XYLT1: variants seen among roughly 807,000 people sequenced by gnomAD.
The protein encoded by XYLT1 is beta-D-xylosyltransferase 1.
In XYLT1, 36 loss-of-function variants were observed where a neutral mutation model predicts 91.3. The observed-to-expected ratio is 0.39, with a 90% CI of 0.30 to 0.52. XYLT1 has a LOEUF of 0.52. XYLT1 is among the 20% of genes least tolerant of loss of function. The pLI, the probability that XYLT1 is intolerant of heterozygous loss-of-function variation, is 0.68. For synonymous variants in XYLT1, 588 were observed against 532.0 expected (o/e 1.11, Z -1.45); for missense variants, 1,242 against 1,284.5 (o/e 0.97, Z 0.51).
At chr16:17,469,706 G>T (rs546714522) in intron 1 of XYLT1, among the ~76,000 whole-genome samples, 23 of 152,280 alleles carry the variant, frequency 1.5e-4, no homozygotes, top group Non-Finnish European at 2.4e-4. Flanking sequence ...GACCTGAACC[G>T]GCCGCAACAA....
chr16:17,359,914 G>A (rs1039132999), intron 1 of XYLT1, among the ~76,000 whole-genome samples: 2 of 152,098 alleles, frequency 1.3e-5, no homozygotes, highest in Admixed American at 6.6e-5. Context: ...CCCTGTGTTG[G>A]GGCAGGACCC....
At chr16:17,137,793 A>G (rs2030797517) in intron 8 of XYLT1, among the ~76,000 whole-genome samples, 2 of 151,866 alleles carry the variant, frequency 1.3e-5, no homozygotes, top group African/African-American at 4.9e-5. Flanking sequence ...GCTGCTCCTC[A>G]GAAAAGTGCA....
chr16:17,436,004 A>G (rs2141936839), intron 1 of XYLT1, among the ~76,000 whole-genome samples: 1 of 152,258 alleles, frequency 6.6e-6, no homozygotes, highest in East Asian at 1.9e-4. Flanking sequence ...CCAGGTGGAG[A>G]TAACTGAATC....
chr16:17,326,848 AC>A (rs2034811295), intron 2 of XYLT1, among the ~76,000 whole-genome samples: 2 of 151,834 alleles, frequency 1.3e-5, no homozygotes, highest in Admixed American at 1.3e-4. Context: ...AACAAAAAAA[AC>A]AAAAACACAA....
rs1453701334 is a variant in XYLT1, at chr16:17,305,618, G to A, written c.403-46120C>T. ...TTTAGTAGAGACAGGGTTTCACCAT[G>A]TTGGCCAGGGTGGTCTCGATCTCCT... is the stretch of plus-strand genomic sequence containing the variant. On this transcript the variant is annotated intron_variant, in intron 2 of 11. Coordinates refer to ENST00000261381, the MANE Select transcript of XYLT1 (RefSeq NM_022166.4). Among the ~76,000 whole-genome samples, 3 of 152,002 alleles carry A rather than the reference G, an allele frequency of 2.0e-5. No individual in the cohort carries two copies. In the East Asian group the frequency reaches 5.8e-4, roughly 29 times the overall value.
At chr16:17,190,998 T>C (rs995798458) in intron 5 of XYLT1, among the ~76,000 whole-genome samples, 3 of 152,244 alleles carry the variant, frequency 2.0e-5, no homozygotes, top group Admixed American at 2.0e-4. Flanking sequence ...CAAAACGATG[T>C]AAACAAGCTT....
chr16:17,111,123 G>C (rs1442898229), intron 11 of XYLT1, among the ~76,000 whole-genome samples: 1 of 152,132 alleles, frequency 6.6e-6, no homozygotes, highest in Non-Finnish European at 1.5e-5. Context: ...TCACACCATT[G>C]CACTCCAGCC....
chr16:17,350,561 A>G (rs2035206740), intron 2 of XYLT1, among the ~76,000 whole-genome samples: 1 of 152,238 alleles, frequency 6.6e-6, no homozygotes, highest in Non-Finnish European at 1.5e-5. Flanking sequence ...AAAAGATTAT[A>G]GTAAAGCAAT....
chr16:17,302,439 C>T (rs1236710547), intron 2 of XYLT1, among the ~76,000 whole-genome samples: 2 of 152,254 alleles, frequency 1.3e-5, no homozygotes, highest in Middle Eastern at 3.4e-3. Flanking sequence ...TTGTGAGGCC[C>T]TCTGGAGAAA....
chr16:17,415,230 A>T (rs752975672), intron 1 of XYLT1, among the ~76,000 whole-genome samples: 3 of 151,878 alleles, frequency 2.0e-5, no homozygotes, highest in Non-Finnish European at 4.4e-5. Flanking sequence ...AATCTCCCCC[A>T]TTTCTGATCC....
In XYLT1 at chr16:17,440,372, A is replaced by G. The variant is rs9938650; in HGVS notation, c.363+30062T>C. Among the ~76,000 whole-genome samples, 928 of 152,328 alleles carry G rather than the reference A, an allele frequency of 6.1e-3. 12 individuals are homozygous for G. The highest frequency in any genetic ancestry group is 0.021 in the African/African-American group (861 of 41,570). On this transcript the variant is annotated intron_variant, in intron 1 of 11. Coordinates refer to ENST00000261381, the MANE Select transcript of XYLT1 (RefSeq NM_022166.4). ...GCTGCTTGCTCACCCATACAGGCAA[A>G]CAATAAGTGGTAAGTATCAGAATGA... is the stretch of plus-strand genomic sequence containing the variant.
At position 17,200,594 on chromosome 16, in the gene XYLT1, G is replaced by A. The variant is rs139070566; in HGVS notation, c.974C>T (p.Pro325Leu). 5.5e-5 allele frequency: 88 copies of A among 1,614,072 alleles called. No homozygotes were observed. The highest frequency in any genetic ancestry group is 2.1e-4 in the African/African-American group (16 of 74,934). Residue 325 changes from proline to leucine, a missense_variant, in exon 4 of 12, where the codon CCG (proline) becomes CTG (leucine). Around this residue, in one of 3 missense-constraint regions of XYLT1, gnomAD observed 294 missense variants for 376.0 expected, o/e 0.78. Coordinates refer to ENST00000261381, the MANE Select transcript of XYLT1 (RefSeq NM_022166.4). Reference sequence around the variant, plus strand: ...CACCAGGACAAAGGCGATTCTGACCGGGTTGGCTGGCATGTACTCCACGGA... The same window carrying A: ...CACCAGGACAAAGGCGATTCTGACCAGGTTGGCTGGCATGTACTCCACGGA... ...EDSVEYMPAN[P>L]VRIAFVLVVH...
At chr16:17,168,864 C>T (rs2031759751) in intron 5 of XYLT1, among the ~76,000 whole-genome samples, 1 of 152,142 alleles carries the variant, frequency 6.6e-6, no homozygotes, top group South Asian at 2.1e-4. Flanking sequence ...TGACTCAGTA[C>T]CTTCAGCGGC....
At chr16:17,294,328 A>C (rs1170704032) in intron 2 of XYLT1, among the ~76,000 whole-genome samples, 2 of 152,194 alleles carry the variant, frequency 1.3e-5, no homozygotes, top group Non-Finnish European at 2.9e-5. Context: ...AGGCTGCTCC[A>C]CATGAGGGAG....
intron 2 of XYLT1, among the ~76,000 whole-genome samples, chr16:17,276,316 G>A (rs1403768433): frequency 4.6e-5 from 7 of 152,112 alleles, no homozygotes; most frequent in Non-Finnish European, 1.0e-4. Context: ...TGTAAGCTGC[G>A]GGTGCCCCAC....
rs1276524475 is a variant in XYLT1 at position 17,259,260 on chromosome 16, C to G, written c.641G>C (p.Gly214Ala). 1 of 1,614,094 alleles carries G rather than the reference C, an allele frequency of 6.2e-7. No individual in the cohort carries two copies. Among genetic ancestry groups the G allele is most frequent in the Admixed American group, 1.7e-5 (1 of 60,014 alleles). The change falls in exon 3 of 12, where the codon GGT (glycine) becomes GCT (alanine). Residue 214 changes from glycine (G) to alanine (A), a missense_variant. This residue lies in a region of XYLT1 where 437 missense variants were observed against 411.5 expected (regional missense o/e 1.06). Coordinates refer to ENST00000261381, the MANE Select transcript of XYLT1 (RefSeq NM_022166.4). ...KGHTFPGKGP[G>A]EVLPPGDRAA... ...TCTGTCCCCGGGAGGCAGCACCTCA[C>G]CGGGGCCTTTCCCAGGGAATGTATG...
chr16:17,411,056 A>G (rs2036101251), intron 1 of XYLT1, among the ~76,000 whole-genome samples: 1 of 152,178 alleles, frequency 6.6e-6, no homozygotes, highest in Non-Finnish European at 1.5e-5. Context: ...GGGCCCTCGA[A>G]CCTGCCTGCC....
intron 2 of XYLT1, among the ~76,000 whole-genome samples, chr16:17,323,552 G>A (rs1184310504): frequency 1.3e-5 from 2 of 152,124 alleles, no homozygotes; most frequent in African/African-American, 2.4e-5. Flanking sequence ...ACAGAGAAGC[G>A]GTAAACAGCA....
At chr16:17,297,877 C>T (rs955288511) in intron 2 of XYLT1, among the ~76,000 whole-genome samples, 39 of 152,014 alleles carry the variant, frequency 2.6e-4, no homozygotes, top group South Asian at 1.5e-3. Context: ...AAACATTAGC[C>T]GGGCGTGGTG....
Sources: allele counts gnomAD v4.1 joint callset (sites outside exome capture counted in the v4.1 genomes callset), GRCh38; gene constraint gnomAD v4.1.1; regional missense constraint gnomAD v4.1.1; transcripts MANE v1.5; gene names NCBI Gene and HGNC (gene_info 2026-07-23, HGNC 2026-07-21).